DMD: variants seen among roughly 807,000 people sequenced by gnomAD.
The protein encoded by DMD is dystrophin.
DMD carries 63 observed loss-of-function variants against 330.1 expected under a neutral mutation model. The observed-to-expected ratio is 0.19, with a 90% CI of 0.16 to 0.24. The LOEUF (loss-of-function observed/expected upper bound fraction) is 0.24, where lower values mean the gene tolerates loss of function less well. Ranked by LOEUF, DMD falls within the 10% of genes least tolerant of loss-of-function variation. The probability of loss-of-function intolerance (pLI) is 1.00; values close to 1 mark genes in which losing one functional copy is unlikely to be tolerated. For missense variants in DMD, 3,344 were observed against 2,684.1 expected, an observed-to-expected ratio of 1.25 and a Z score of -5.43; for synonymous variants, 1,223 against 959.8, an observed-to-expected ratio of 1.27 and a Z score of -5.07.
intron 11 of DMD, among the ~76,000 whole-genome samples, chrX:32,623,779 G>A (rs181661572): frequency 9.0e-6 from 1 of 110,748 alleles, no homozygotes; most frequent in African/African-American, 3.3e-5. Context: ...CTCCTGCCTC[G>A]ACCTCCCAAA....
At chrX:32,380,440 A>C in intron 34 of DMD, 70 bp downstream of exon 34, 1 of 974,079 alleles carries the variant, frequency 1.0e-6, no homozygotes, top group Non-Finnish European at 1.5e-6. Flanking sequence ...ACATGTTAAT[A>C]CTTCCTTACA....
At chrX:32,576,537 G>A (rs185073029) in intron 13 of DMD, among the ~76,000 whole-genome samples, 157 of 110,873 alleles carry the variant, frequency 1.4e-3, no homozygotes, top group African/African-American at 4.8e-3. Flanking sequence ...GCATGAAGAC[G>A]CTGGACAAAG....
intron 55 of DMD, among the ~76,000 whole-genome samples, chrX:31,605,366 T>C (rs1481742044): frequency 8.9e-6 from 1 of 112,103 alleles, no homozygotes. Context: ...CTAAGACATG[T>C]GCTGATAACC....
At chrX:31,741,551 A>G (rs954822401) in intron 51 of DMD, among the ~76,000 whole-genome samples, 6 of 111,402 alleles carry the variant, frequency 5.4e-5, no homozygotes, top group African/African-American at 2.0e-4. Flanking sequence ...GAGCAGTAAT[A>G]TTTTGAAAGA....
chrX:32,960,717 C>T (rs1023273852), intron 2 of DMD, among the ~76,000 whole-genome samples: 4 of 110,962 alleles, frequency 3.6e-5, no homozygotes, highest in African/African-American at 1.3e-4. Context: ...TAGTGTATTA[C>T]TGATTAAAAT....
chrX:32,570,392 C>T (rs2052272143), intron 15 of DMD, among the ~76,000 whole-genome samples: 1 of 92,120 alleles, frequency 1.1e-5, no homozygotes, highest in African/African-American at 4.7e-5. Context: ...CTATAGAAAA[C>T]ATATTTTCTC....
chrX:31,687,772 T>G (rs1368858832), intron 52 of DMD, among the ~76,000 whole-genome samples: 1 of 112,264 alleles, frequency 8.9e-6, no homozygotes, highest in East Asian at 2.8e-4. Flanking sequence ...GAAGCTCCAC[T>G]GCATGTTATT....
At chrX:33,326,854 G>A (rs2054095658) in intron 1 of DMD, among the ~76,000 whole-genome samples, 1 of 110,750 alleles carries the variant, frequency 9.0e-6, no homozygotes, top group African/African-American at 3.3e-5. Context: ...GGTGGTGACT[G>A]TCAGGAGATA....
intron 7 of DMD, among the ~76,000 whole-genome samples, chrX:32,798,556 T>C (rs2148672376): frequency 8.9e-6 from 1 of 112,476 alleles, no homozygotes; most frequent in South Asian, 3.6e-4. Flanking sequence ...ATTTGGTATA[T>C]ATTACTTTGT....
intron 5 of DMD, among the ~76,000 whole-genome samples, chrX:32,820,043 A>G (rs1188153544): frequency 9.0e-6 from 1 of 111,345 alleles, no homozygotes; most frequent in Non-Finnish European, 1.9e-5. Context: ...ATTCAAGGGC[A>G]TAAATGAAAA....
At chrX:31,816,955 C>T (rs2092647358) in intron 50 of DMD, among the ~76,000 whole-genome samples, 1 of 111,827 alleles carries the variant, frequency 8.9e-6, no homozygotes, top group Non-Finnish European at 1.9e-5. Flanking sequence ...CCATTAGGTT[C>T]TTGGACAGAG....
intron 55 of DMD, among the ~76,000 whole-genome samples, chrX:31,585,454 G>A (rs1015952172): frequency 1.1e-4 from 12 of 104,388 alleles, no homozygotes; most frequent in African/African-American, 3.2e-4. Context: ...CTCTTTTTTC[G>A]CCCTGTGAAC....
At chrX:31,755,079 G>A (rs2088945442) in intron 51 of DMD, among the ~76,000 whole-genome samples, 1 of 111,432 alleles carries the variant, frequency 9.0e-6, no homozygotes, top group Non-Finnish European at 1.9e-5. Context: ...TGGGGATAGA[G>A]TTAGAATTTA....
intron 1 of DMD, among the ~76,000 whole-genome samples, chrX:33,326,824 G>C (rs1296888177): frequency 1.8e-5 from 2 of 110,954 alleles, no homozygotes; most frequent in Admixed American, 1.9e-4. Context: ...TTCGAAGTCA[G>C]ATATGGGGAT....
intron 52 of DMD, 26 bp downstream of exon 52, chrX:31,729,605 T>G: frequency 9.0e-7 from 1 of 1,116,184 alleles, no homozygotes; most frequent in Non-Finnish European, 1.2e-6. Context: ...TTGCTTTGTG[T>G]GTCCCATGCT....
At chrX:31,932,723 G>A (rs1303433815) in intron 45 of DMD, among the ~76,000 whole-genome samples, 2 of 111,913 alleles carry the variant, frequency 1.8e-5, no homozygotes, top group Admixed American at 1.9e-4. Flanking sequence ...TCCACCCCGG[G>A]CAACAGAGAA....
chrX:32,670,060 T>C (rs761253895), intron 9 of DMD, among the ~76,000 whole-genome samples: 2 of 112,033 alleles, frequency 1.8e-5, no homozygotes, highest in South Asian at 7.5e-4. Flanking sequence ...TACTTGACTA[T>C]CAAGGCTCAT....
At chrX:32,813,732 G>A (rs752428645) in intron 6 of DMD, among the ~76,000 whole-genome samples, 114 of 111,347 alleles carry the variant, frequency 1.0e-3, no homozygotes, top group African/African-American at 3.5e-3. Context: ...TCCGAAATGG[G>A]AGGTGGAGAA....
chrX:32,177,699 C>A (rs1035596388), intron 44 of DMD, among the ~76,000 whole-genome samples: 1 of 111,139 alleles, frequency 9.0e-6, no homozygotes, highest in African/African-American at 3.3e-5. Context: ...TCTGACATCC[C>A]TGCTGGGATT....
Sources: allele counts gnomAD v4.1 joint callset (sites outside exome capture counted in the v4.1 genomes callset), GRCh38; gene constraint gnomAD v4.1.1; transcripts MANE v1.5; gene names NCBI Gene and HGNC (gene_info 2026-07-23, HGNC 2026-07-21).